Variants in CHIC1 observed in about 807,000 individuals in gnomAD.
The protein encoded by CHIC1 is cysteine-rich hydrophobic domain-containing protein 1.
A neutral mutation model predicts 18.5 loss-of-function variants in CHIC1; 7 were observed. The ratio of observed to expected loss-of-function variants is 0.38; its 90% CI spans 0.22 to 0.71. The LOEUF is 0.71. CHIC1 is among the 30% of genes least tolerant of loss of function. The probability of loss-of-function intolerance (pLI) is 0.49; values close to 1 mark genes in which losing one functional copy is unlikely to be tolerated. For missense variants in CHIC1, 159 were observed against 176.9 expected, an observed-to-expected ratio of 0.90 and a Z score of 0.57; for synonymous variants, 77 against 73.5, an observed-to-expected ratio of 1.05 and a Z score of -0.25.
At chrX:73,642,207 C>T (rs1603347091) in intron 3 of CHIC1, among the ~76,000 whole-genome samples, 2 of 111,084 alleles carry the variant, frequency 1.8e-5, no homozygotes, top group African/African-American at 6.6e-5. Flanking sequence ...TAATGATTGC[C>T]ATTCTAACTG....
chrX:73,632,970 G>A (rs973890926), intron 3 of CHIC1, among the ~76,000 whole-genome samples: 40 of 108,046 alleles, frequency 3.7e-4, no homozygotes, highest in African/African-American at 1.3e-3. Flanking sequence ...GGGTTTCACC[G>A]TGTTAGCCAG....
intron 3 of CHIC1, among the ~76,000 whole-genome samples, chrX:73,597,325 CTCTCTAGGTTG>C (rs995012999): frequency 2.7e-5 from 3 of 110,537 alleles, no homozygotes; most frequent in Non-Finnish European, 5.7e-5. Context: ...TGTCCATTTT[CTCTCTAGGTTG>C]TTTATTTGTT....
At chrX:73,677,881 C>T (rs1289396673) in intron 3 of CHIC1, among the ~76,000 whole-genome samples, 1 of 112,099 alleles carries the variant, frequency 8.9e-6, no homozygotes, top group Non-Finnish European at 1.9e-5. Flanking sequence ...ATCTTGGCTC[C>T]TCCCTCTCAA....
intron 3 of CHIC1, among the ~76,000 whole-genome samples, chrX:73,591,673 T>C (rs1411649638): frequency 8.9e-6 from 1 of 111,740 alleles, no homozygotes; most frequent in East Asian, 2.8e-4. Flanking sequence ...TTTTGTTTTA[T>C]GTTATATTCT....
chrX:73,618,200 C>T (rs777448749), intron 3 of CHIC1, among the ~76,000 whole-genome samples: 26 of 111,602 alleles, frequency 2.3e-4, no homozygotes, highest in African/African-American at 7.2e-4. Context: ...GTGAAATGGA[C>T]TCTGCAAGGG....
chrX:73,618,866 T>C lies in CHIC1; in HGVS notation c.507+34294T>C, dbSNP rs563843662. ...TTACAAAGTTCAGCTAGAAGTTTTC[T>C]TCTTCCTCTGGTCTTTTCCCAGTTC... On this transcript the variant is annotated intron_variant, in intron 3 of 5. Coordinates refer to ENST00000373502, the MANE Select transcript of CHIC1 (RefSeq NM_001039840.4). 3.5e-5 allele frequency among the ~76,000 whole-genome samples: 4 copies of C among 112,834 alleles called. No homozygotes were observed. The East Asian group carries it at 1.1e-3, about 32-fold the overall frequency.
intron 3 of CHIC1, among the ~76,000 whole-genome samples, chrX:73,650,315 G>A (rs2057909581): frequency 1.8e-5 from 2 of 111,171 alleles, no homozygotes; most frequent in Non-Finnish European, 3.8e-5. Context: ...GCTATCAGAA[G>A]ACAAGAAATA....
chrX:73,600,219 TAAG>T (rs1411804683), intron 3 of CHIC1, among the ~76,000 whole-genome samples: 2 of 95,470 alleles, frequency 2.1e-5, no homozygotes, highest in African/African-American at 8.7e-5. Context: ...CTTATCAGCT[TAAG>T]GAGATTTTGG....
At chrX:73,644,120 G>A (rs751213967) in intron 3 of CHIC1, among the ~76,000 whole-genome samples, 1 of 112,523 alleles carries the variant, frequency 8.9e-6, no homozygotes, top group South Asian at 3.7e-4. Flanking sequence ...GTTGGAGTTT[G>A]CTAGAGTTCC....
rs770117334 is a variant in CHIC1 at position 73,631,157 on chromosome X, A to C, written c.507+46585A>C. ...CTCCTTTTTTCTTGGTTAAGCTAGC[A>C]AAAGGTTTGTCAATTTTCTTTATCT... is the stretch of plus-strand genomic sequence containing the variant. On this transcript the variant is annotated intron_variant, in intron 3 of 5. Coordinates refer to ENST00000373502, the MANE Select transcript of CHIC1 (RefSeq NM_001039840.4). Among the ~76,000 whole-genome samples, 3 of 111,362 alleles carry C rather than the reference A, an allele frequency of 2.7e-5. No individual in the cohort carries two copies. In the East Asian group the frequency reaches 8.4e-4, roughly 31 times the overall value.
chrX:73,675,168 G>T (rs900074774), intron 3 of CHIC1, among the ~76,000 whole-genome samples: 2 of 111,643 alleles, frequency 1.8e-5, no homozygotes, highest in African/African-American at 3.3e-5. Flanking sequence ...GTCAGTTTTG[G>T]AGTAGGTGTG....
chrX:73,646,911 A>G (rs1487356841), intron 3 of CHIC1, among the ~76,000 whole-genome samples: 9 of 112,235 alleles, frequency 8.0e-5, no homozygotes, highest in Non-Finnish European at 1.7e-4. Context: ...AACTTTTCCT[A>G]TAGTAGTTTC....
chrX:73,592,028 A>G (rs2057584318), intron 3 of CHIC1, among the ~76,000 whole-genome samples: 1 of 111,087 alleles, frequency 9.0e-6, no homozygotes, highest in Admixed American at 9.6e-5. Context: ...TTCAATAATC[A>G]CAAAACATTG....
At chrX:73,655,694 A>G (rs941199898) in intron 3 of CHIC1, among the ~76,000 whole-genome samples, 1 of 102,271 alleles carries the variant, frequency 9.8e-6, no homozygotes. Context: ...TATCAAGTCT[A>G]TCATTGATGG....
chrX:73,675,147 A>T (rs774996356), intron 3 of CHIC1, among the ~76,000 whole-genome samples: 1 of 111,182 alleles, frequency 9.0e-6, no homozygotes, highest in South Asian at 3.8e-4. Context: ...GGAGTGCTTT[A>T]CTTCCGTGTG....
intron 1 of CHIC1, among the ~76,000 whole-genome samples, chrX:73,565,099 G>A (rs1206327836): frequency 9.0e-6 from 1 of 110,955 alleles, no homozygotes; most frequent in Non-Finnish European, 1.9e-5. Flanking sequence ...CAAGAATTTT[G>A]CAGATAGCCT....
intron 3 of CHIC1, among the ~76,000 whole-genome samples, chrX:73,600,907 A>G (rs2057643865): frequency 9.3e-6 from 1 of 107,831 alleles, no homozygotes; most frequent in South Asian, 3.9e-4. Context: ...AGGGGTTGCA[A>G]TCCTAGTCTC....
At chrX:73,657,061 A>T (rs866864537) in intron 3 of CHIC1, among the ~76,000 whole-genome samples, 80 of 88,604 alleles carry the variant, frequency 9.0e-4, no homozygotes, top group African/African-American at 3.2e-3. Context: ...TCTTTTTTTA[A>T]TTTTTTTTTT....
In CHIC1 at chrX:73,563,329, G is replaced by A; in HGVS notation, c.45G>A (p.Ser15=). 1.7e-6 allele frequency: 2 copies of A among 1,143,957 alleles called. No homozygotes were observed. The highest frequency in any genetic ancestry group is 2.3e-6 in the Non-Finnish European group (2 of 860,703). The allele number at this position is 1,143,957 out of a possible 1,213,427, so 94.3% of individuals were successfully genotyped here. ...ACATGGCGGAGTTCGACACCATCTC[G>A]GAACTGGAGGAGGAGGAGGAAGAAG... ...LPNMAEFDTI[S]ELEEEEEEEA... Residue 15 remains serine, a synonymous_variant, in exon 1 of 6, where the codon TCG becomes TCA. Coordinates refer to ENST00000373502, the MANE Select transcript of CHIC1 (RefSeq NM_001039840.4).
Sources: allele counts gnomAD v4.1 joint callset (sites outside exome capture counted in the v4.1 genomes callset), GRCh38; gene constraint gnomAD v4.1.1; transcripts MANE v1.5; gene names NCBI Gene and HGNC (gene_info 2026-07-23, HGNC 2026-07-21).